Variants in PTPRR observed in about 807,000 individuals in gnomAD.
PTPRR encodes protein tyrosine phosphatase receptor type R, also known as receptor-type tyrosine-protein phosphatase R.
A neutral mutation model predicts 77.2 loss-of-function variants in PTPRR; 38 were observed. The ratio of observed to expected loss-of-function variants is 0.49; its 90% confidence interval spans 0.38 to 0.65. PTPRR has a LOEUF of 0.65. Ranked by LOEUF, PTPRR falls within the 30% of genes least tolerant of loss-of-function variation. The pLI is 0.00. For missense variants in PTPRR, 744 were observed against 799.2 expected (o/e 0.93, Z 0.83); for synonymous variants, 299 against 283.1 (o/e 1.06, Z -0.57).
At chr12:70,824,956 C>A (rs1038230287) in intron 2 of PTPRR, among the ~76,000 whole-genome samples, 1 of 152,126 alleles carries the variant, frequency 6.6e-6, no homozygotes, top group South Asian at 2.1e-4. Flanking sequence ...TAGGCAATAT[C>A]GTTGCTCCAT....
intron 2 of PTPRR, among the ~76,000 whole-genome samples, chr12:70,802,579 G>C (rs1362421210): frequency 6.6e-6 from 1 of 152,150 alleles, no homozygotes; most frequent in Non-Finnish European, 1.5e-5. Context: ...TTAAAGTGCT[G>C]AGATTTTTAG....
At chr12:70,734,219 C>A (rs1158035494) in intron 6 of PTPRR, among the ~76,000 whole-genome samples, 1 of 151,554 alleles carries the variant, frequency 6.6e-6, no homozygotes, top group East Asian at 1.9e-4. Context: ...AAAAAAAAAT[C>A]TCATTTTAAA....
intron 2 of PTPRR, among the ~76,000 whole-genome samples, chr12:70,881,190 A>C (rs1893143887): frequency 6.6e-6 from 1 of 152,166 alleles, no homozygotes; most frequent in Admixed American, 6.5e-5. Context: ...CAGGTTAAAA[A>C]CCGTAATTCT....
intron 4 of PTPRR, among the ~76,000 whole-genome samples, chr12:70,755,001 G>A (rs1890526455): frequency 6.6e-6 from 1 of 152,056 alleles, no homozygotes; most frequent in Non-Finnish European, 1.5e-5. Flanking sequence ...GTTCCACTTT[G>A]GGGGTGGAAG....
chr12:70,648,939 C>G (rs1178605665), intron 13 of PTPRR, among the ~76,000 whole-genome samples: 1 of 151,814 alleles, frequency 6.6e-6, no homozygotes. Flanking sequence ...AAAGGAGAAT[C>G]ACAGACTCAT....
At chr12:70,759,322 G>A (rs1316069755) in intron 4 of PTPRR, among the ~76,000 whole-genome samples, 1 of 152,034 alleles carries the variant, frequency 6.6e-6, no homozygotes, top group African/African-American at 2.4e-5. Flanking sequence ...CAAATGACAT[G>A]TCACAAGCTC....
At chr12:70,845,816 C>G (rs911827509) in intron 2 of PTPRR, among the ~76,000 whole-genome samples, 4 of 152,138 alleles carry the variant, frequency 2.6e-5, no homozygotes, top group African/African-American at 7.2e-5. Flanking sequence ...TGTGAAGTCA[C>G]TACCACTGAT....
Position 70,701,178 on chromosome 12 carries a change from C to T in PTPRR, c.1153G>A (p.Asp385Asn), listed in dbSNP as rs750150368. 37 of 1,613,818 alleles carry T rather than the reference C, an allele frequency of 2.3e-5. No homozygotes were observed. Among genetic ancestry groups the T allele is most frequent in the Non-Finnish European group, 2.8e-5 (33 of 1,179,934 alleles). ...AGTAAATGTGAACTTGCCACGACGT[C>T]CCTCAGCTGAGACCTTGTGAGAATT... ...SRILTRSQLR[D>N]VVASSHLLQS... The change falls in exon 7 of 14, where the codon GAC becomes AAC. Residue 385 changes from aspartate (D) to asparagine (N), a missense_variant. Physicochemically the swap from Asp to Asn is conservative, Grantham distance 23 (BLOSUM62 1). Transcript: ENST00000283228.
intron 2 of PTPRR, among the ~76,000 whole-genome samples, chr12:70,818,721 G>A (rs1174405262): frequency 6.6e-6 from 1 of 151,638 alleles, no homozygotes; most frequent in East Asian, 1.9e-4. Context: ...TCACTTTAAA[G>A]GTAACAGATA....
intron 2 of PTPRR, among the ~76,000 whole-genome samples, chr12:70,827,973 A>G (rs1303711542): frequency 6.6e-6 from 1 of 151,662 alleles, no homozygotes; most frequent in African/African-American, 2.4e-5. Flanking sequence ...GTCTGCCTCA[A>G]CCTCCCAAAG....
At chr12:70,664,652 G>A (rs1468369706) in intron 10 of PTPRR, 1 of 152,104 alleles carries the variant, frequency 6.6e-6, no homozygotes, top group African/African-American at 2.4e-5. Context: ...GCACCTACTT[G>A]ATAAATGGAA....
At chr12:70,898,163 A>AT (rs991352527) in intron 1 of PTPRR, among the ~76,000 whole-genome samples, 11 of 151,438 alleles carry the variant, frequency 7.3e-5, no homozygotes, top group Admixed American at 1.3e-4. Flanking sequence ...AATAATAATA[A>AT]AAAAAGAGAA....
chr12:70,732,544 G>C (rs1047959148), intron 6 of PTPRR, among the ~76,000 whole-genome samples: 6 of 152,120 alleles, frequency 3.9e-5, no homozygotes, highest in African/African-American at 1.4e-4. Context: ...CGAGGTGGTG[G>C]TGAGCATCCA....
chr12:70,869,716 C>T (rs1842075687), intron 2 of PTPRR, among the ~76,000 whole-genome samples: 1 of 152,012 alleles, frequency 6.6e-6, no homozygotes, highest in Admixed American at 6.6e-5. Flanking sequence ...TCAGATGGGG[C>T]ATTGCTATAA....
intron 6 of PTPRR, among the ~76,000 whole-genome samples, chr12:70,727,926 A>T (rs1463536239): frequency 6.6e-6 from 1 of 152,224 alleles, no homozygotes; most frequent in African/African-American, 2.4e-5. Flanking sequence ...TTAAGAAAGA[A>T]AATAAGATCA....
At position 70,698,341 on chromosome 12, in the gene PTPRR, T is replaced by A. The variant is rs1179908289; in HGVS notation, c.1203A>T (p.Pro401=). Residue 401 remains proline (P), a synonymous_variant, in exon 8 of 14, where the codon CCA becomes CCT. Coordinates refer to ENST00000283228, the MANE Select transcript of PTPRR (RefSeq NM_002849.4). ...TTTCTTTGGGATCCACAAAGTTCAT[T>A]GGTATTTCCTGCAAAAATAAATAAT... ...HLLQSEFMEI[P]MNFVDPKEID... is the part of the protein sequence containing the mutation. 1 of 1,612,290 alleles carries A rather than the reference T, an allele frequency of 6.2e-7. No homozygotes were observed. Among genetic ancestry groups the A allele is most frequent in the African/African-American group, 1.3e-5 (1 of 74,858 alleles).
intron 4 of PTPRR, among the ~76,000 whole-genome samples, chr12:70,756,484 T>A (rs183354759): frequency 6.6e-6 from 1 of 152,290 alleles, no homozygotes; most frequent in East Asian, 1.9e-4. Context: ...ATCTTCAATC[T>A]AACCTTTGCA....
intron 13 of PTPRR, among the ~76,000 whole-genome samples, chr12:70,646,588 G>C (rs1376472667): frequency 2.0e-5 from 3 of 152,114 alleles, no homozygotes; most frequent in Admixed American, 1.3e-4. Flanking sequence ...AGCATAATAT[G>C]TTTTACAAAG....
chr12:70,854,706 C>T (rs891639224), intron 2 of PTPRR, among the ~76,000 whole-genome samples: 2 of 152,204 alleles, frequency 1.3e-5, no homozygotes, highest in Non-Finnish European at 2.9e-5. Flanking sequence ...CTGAATCTAG[C>T]TCTGCCATCC....
Sources: gnomAD v4.1 joint callset for allele counts (sites outside exome capture counted in the v4.1 genomes callset) on GRCh38, gnomAD v4.1.1 for gene constraint, MANE v1.5 for transcripts, NCBI Gene and HGNC (gene_info 2026-07-23, HGNC 2026-07-21) for gene names.